Variants in MAPK8IP3 observed in about 807,000 individuals in gnomAD.
The protein encoded by MAPK8IP3 is C-Jun-amino-terminal kinase-interacting protein 3.
Under a neutral mutation model 157.8 loss-of-function variants are expected in MAPK8IP3, and 49 were observed. The observed-to-expected ratio is 0.31, with a 90% CI of 0.25 to 0.39. MAPK8IP3 has a LOEUF of 0.39. Ranked by LOEUF, MAPK8IP3 falls within the 10% of genes least tolerant of loss-of-function variation. MAPK8IP3 has a pLI of 1.00. For missense variants in MAPK8IP3, 1,478 were observed against 1,889.4 expected (o/e 0.78, Z 4.04); for synonymous variants, 897 against 777.7 (o/e 1.15, Z -2.55).
At chr16:1,736,343 C>T (rs1216374365) in intron 4 of MAPK8IP3, among the ~76,000 whole-genome samples, 5 of 64,742 alleles carry the variant, frequency 7.7e-5, no homozygotes, top group African/African-American at 6.0e-5. Context: ...TCCGTGTGAG[C>T]GTGTGACCGT....
intron 4 of MAPK8IP3, among the ~76,000 whole-genome samples, chr16:1,740,249 C>T (rs2040582091): frequency 6.9e-6 from 1 of 144,242 alleles, no homozygotes; most frequent in Non-Finnish European, 1.5e-5. Context: ...TCTGTGTGAC[C>T]GTTCGTGTGA....
Position 1,710,192 on chromosome 16 carries a change from A to G in MAPK8IP3, c.318+3535A>G, listed in dbSNP as rs186477465. Among the ~76,000 whole-genome samples, 8 of 151,678 alleles carry G rather than the reference A, an allele frequency of 5.3e-5. No individual in the cohort carries two copies. Among genetic ancestry groups the G allele is most frequent in the Admixed American group, 2.0e-4 (3 of 15,244 alleles). On this transcript the variant is annotated intron_variant, in intron 1 of 31. Coordinates refer to ENST00000610761, the MANE Select transcript of MAPK8IP3 (RefSeq NM_001318852.2). The surrounding 1 kb of genome is among the most constrained non-coding windows in gnomAD (Gnocchi z 4.1). ...GGTCTCAAACTCCTGGACTCAAGCAATCCTCCCACCTCAGCCTCCCAACAT... is the reference window on the plus strand; with the variant it reads ...GGTCTCAAACTCCTGGACTCAAGCAGTCCTCCCACCTCAGCCTCCCAACAT...
chr16:1,734,425 C>T (rs1454677998), intron 4 of MAPK8IP3, among the ~76,000 whole-genome samples: 2 of 152,178 alleles, frequency 1.3e-5, no homozygotes, highest in African/African-American at 4.8e-5. Context: ...CTCGTGTGTC[C>T]CCTGCCTCCC....
chr16:1,711,297 G>A (rs1007238929), intron 1 of MAPK8IP3, among the ~76,000 whole-genome samples: 11 of 152,162 alleles, frequency 7.2e-5, no homozygotes, highest in Non-Finnish European at 1.6e-4. Context: ...TTCTGCGGTG[G>A]CCCCTCGTTC....
rs147415688 is a variant in MAPK8IP3, at chr16:1,743,984, T to TA, written c.747+510dup. ...TGGGCCCCTCCCTGCCTGTCCCTGG[T>TA]AACGCCTCCTGGGTCCTGAGTTTGA... On this transcript the variant is annotated intron_variant, in intron 5 of 31. Coordinates refer to ENST00000610761, the MANE Select transcript of MAPK8IP3 (RefSeq NM_001318852.2). This position sits in a 1 kb window ranked among gnomAD's most constrained non-coding sequence, Gnocchi z 5.6. The TA allele has an allele frequency of 5.1e-3, 5,128 of 997,778 alleles. 231 individuals carry two copies. In the African/African-American group the frequency reaches 0.082, roughly 16 times the overall value. 61.8% of individuals were successfully genotyped at this position (997,778 alleles called of 1,614,324 possible). A position where few individuals can be genotyped will look rare whatever the true frequency, so the allele number is the denominator to read the frequency against.
intron 1 of MAPK8IP3, among the ~76,000 whole-genome samples, chr16:1,715,997 G>A (rs567447439): frequency 6.6e-6 from 1 of 152,204 alleles, no homozygotes; most frequent in African/African-American, 2.4e-5. Context: ...AAAGTGCTGG[G>A]ATTTCAGGCG....
At chr16:1,758,074 T>C in intron 8 of MAPK8IP3, 74 bp from the exon 9 acceptor site, 2 of 1,454,380 alleles carry the variant, frequency 1.4e-6, no homozygotes, top group South Asian at 1.1e-5. Flanking sequence ...TAAGAATGTA[T>C]TGTTAGTTCC....
chr16:1,714,068 G>C (rs374249137), intron 1 of MAPK8IP3: 1 of 152,216 alleles, frequency 6.6e-6, no homozygotes, highest in Non-Finnish European at 1.5e-5. Context: ...CCTGCAGTGC[G>C]TACGTGGTTT....
chr16:1,752,271 G>A lies in MAPK8IP3; in HGVS notation c.1216+3551G>A, dbSNP rs116212123. On this transcript the variant is annotated intron_variant, in intron 8 of 31. Transcript: ENST00000610761. Reference sequence around the variant, plus strand: ...GAGGCCGAGTCACTGTGCGCTCCACGATGAGGCTGCAAGTCACTATGCGTT... The same window carrying A: ...GAGGCCGAGTCACTGTGCGCTCCACAATGAGGCTGCAAGTCACTATGCGTT... 4.6e-3 allele frequency: 798 copies of A among 172,148 alleles called. 6 individuals carry two copies. The highest frequency in any genetic ancestry group is 0.018 in the African/African-American group (757 of 41,646). 10.7% of individuals were successfully genotyped at this position (172,148 alleles called of 1,614,324 possible).
chr16:1,761,763 G>T lies in MAPK8IP3; in HGVS notation c.1539+458G>T, dbSNP rs547436846. ...CACGCCGGGTGACCACTGTTCATAC[G>T]CATTCACACGTGGGGCAGCCATCAT... is the stretch of plus-strand genomic sequence containing the variant. On this transcript the variant is annotated intron_variant, in intron 13 of 31. Coordinates refer to ENST00000610761, the MANE Select transcript of MAPK8IP3 (RefSeq NM_001318852.2). Among the ~76,000 whole-genome samples the T allele has an allele frequency of 1.3e-4, 19 of 149,008 alleles. No individual in the cohort carries two copies. The South Asian group carries it at 3.9e-3, about 31-fold the overall frequency.
chr16:1,736,768 GTCTGTGTGACCA>G (rs1417602348), intron 4 of MAPK8IP3, among the ~76,000 whole-genome samples: 1 of 70,646 alleles, frequency 1.4e-5, no homozygotes, highest in Non-Finnish European at 2.5e-5. Context: ...CCGTGTGACC[GTCTGTGTGACCA>G]TCCGTGTGTG....
At position 1,724,724 on chromosome 16, in the gene MAPK8IP3, C is replaced by T. The variant is rs1273710238; in HGVS notation, c.439+47C>T. ...GGAGGCGCGCTTGATGGGCGCTGCT[C>T]TGGGACGGCTCTGGTTGGGGTGGGC... On this transcript the variant is annotated intron_variant, in intron 2 of 31. Transcript: ENST00000610761. This position sits in a 1 kb window ranked among gnomAD's most constrained non-coding sequence, Gnocchi z 4.1. The T allele has an allele frequency of 1.3e-6, 2 of 1,592,768 alleles. No homozygotes were observed. Among genetic ancestry groups the T allele is most frequent in the Non-Finnish European group, 1.7e-6 (2 of 1,166,942 alleles).
chr16:1,764,826 G>A (rs150269573), intron 19 of MAPK8IP3, among the ~76,000 whole-genome samples, 187 bp from the exon 20 acceptor site: 155 of 152,298 alleles, frequency 1.0e-3, no homozygotes, highest in Middle Eastern at 6.8e-3. Context: ...AGGCGAAACC[G>A]TGTCTGTGAG....
Position 1,768,861 on chromosome 16 carries a change from C to T in MAPK8IP3, c.*37C>T. ...TGCCTGGCCCGACCTGTACATAGGA[C>T]CCCCGACCACCTGACCCCCGCCCGG... On this transcript the variant is annotated 3_prime_UTR_variant, in exon 32 of 32. Coordinates refer to ENST00000610761, the MANE Select transcript of MAPK8IP3 (RefSeq NM_001318852.2). 6.2e-7 allele frequency: 1 copy of T among 1,601,450 alleles called. No individual in the cohort carries two copies. The highest frequency in any genetic ancestry group is 1.1e-5 in the South Asian group (1 of 90,842).
Position 1,742,437 on chromosome 16 carries a change from C to A in MAPK8IP3, c.603-895C>A, listed in dbSNP as rs1247373388. On this transcript the variant is annotated intron_variant, in intron 4 of 31. Coordinates refer to ENST00000610761, the MANE Select transcript of MAPK8IP3 (RefSeq NM_001318852.2). The surrounding 1 kb of genome is among the most constrained non-coding windows in gnomAD (Gnocchi z 5.0). ...GGGTCCGTCTTCAGGTTCGGGGCTC[C>A]CTGACAGCAGAGAGGACACGTGGGG... Among the ~76,000 whole-genome samples the A allele has an allele frequency of 6.6e-6, 1 of 152,158 alleles. No individual in the cohort carries two copies. Among genetic ancestry groups the A allele is most frequent in the African/African-American group, 2.4e-5 (1 of 41,440 alleles).
intron 5 of MAPK8IP3, 59 bp from the exon 6 acceptor site, chr16:1,746,970 A>G: frequency 6.3e-7 from 1 of 1,576,582 alleles, no homozygotes; most frequent in Non-Finnish European, 8.6e-7. Context: ...GCCACGGCGG[A>G]GCCGCAGGCC....
Position 1,733,696 on chromosome 16 carries a change from C to T in MAPK8IP3, c.602+4118C>T, listed in dbSNP as rs185467937. Among the ~76,000 whole-genome samples the T allele has an allele frequency of 4.8e-3, 724 of 152,334 alleles. 1 individual carries two copies. The highest frequency in any genetic ancestry group is 7.3e-3 in the Non-Finnish European group (498 of 68,028). ...AAGCCCCATGGTGGTGCACCTCGTC[C>T]TTGTCAGGGCCCCACTGCTGGGGTC... On this transcript the variant is annotated intron_variant, in intron 4 of 31. Transcript: ENST00000610761.
chr16:1,725,146 G>A (rs971432274), intron 2 of MAPK8IP3, among the ~76,000 whole-genome samples: 5 of 130,428 alleles, frequency 3.8e-5, no homozygotes, highest in African/African-American at 9.7e-5. Context: ...GTAGCAGAAA[G>A]GGTTTATTAT....
rs1178660416 is a variant in MAPK8IP3 at position 1,766,635 on chromosome 16, G to A, written c.2926G>A (p.Ala976Thr). 1 of 1,612,434 alleles carries A rather than the reference G, an allele frequency of 6.2e-7. No homozygotes were observed. The highest frequency in any genetic ancestry group is 8.5e-7 in the Non-Finnish European group (1 of 1,179,842). Reference protein sequence around the residue: ...SSAAPTMWLGAQNGWLYVHSA... With the variant: ...SSAAPTMWLGTQNGWLYVHSA... ...TGCTGCACCCACCATGTGGCTGGGA[G>A]CCCAGAACGGCTGGTAGGAAGGGCC... Residue 976 changes from alanine to threonine, a missense_variant, in exon 23 of 32, where the codon GCC (alanine) becomes ACC (threonine). Transcript: ENST00000610761.
Sources: gnomAD v4.1 joint callset for allele counts (sites outside exome capture counted in the v4.1 genomes callset) on GRCh38, gnomAD v4.1.1 for gene constraint, Gnocchi (gnomAD v3.1) non-coding constraint, MANE v1.5 for transcripts, NCBI Gene and HGNC (gene_info 2026-07-23, HGNC 2026-07-21) for gene names.